The following NKAIN3 variants were observed in gnomAD, a reference collection of about 807,000 sequenced individuals.
NKAIN3 encodes the protein sodium/potassium transporting ATPase interacting 3, also known as sodium/potassium-transporting ATPase subunit beta-1-interacting protein 3.
Under a neutral mutation model 30.2 loss-of-function variants are expected in NKAIN3, and 25 were observed. The observed-to-expected ratio is 0.83, with a 90% CI of 0.60 to 1.16. NKAIN3 has a LOEUF of 1.16. Among genes scored for constraint, NKAIN3 ranks in the 50% most tolerant of loss-of-function variants. The pLI, the probability that NKAIN3 is intolerant of heterozygous loss-of-function variation, is 0.00. For synonymous variants in NKAIN3, 91 were observed against 89.6 expected (o/e 1.02, Z -0.09); for missense variants, 225 against 254.1 (o/e 0.89, Z 0.78).
Position 62,982,038 on chromosome 8 carries a change from T to A in NKAIN3, c.*16631T>A, listed in dbSNP as rs376040004. The stretch of plus-strand genomic sequence containing the variant: ...ATAATGGCAATAATTAAACACACTA[T>A]CTCTACCTAAAAGAACAGAGATAGA... On this transcript the variant is annotated 3_prime_UTR_variant, in exon 7 of 7. Coordinates refer to ENST00000623646, the MANE Select transcript of NKAIN3 (RefSeq NM_001304533.3). The A allele has an allele frequency of 1.3e-4, 20 of 152,242 alleles. No individual in the cohort carries two copies. The East Asian group carries it at 3.7e-3, about 28-fold the overall frequency. The allele number at this position is 152,242 out of a possible 1,614,324, so 9.4% of individuals were successfully genotyped here.
chr8:62,887,847 A>G (rs968627862), intron 4 of NKAIN3, among the ~76,000 whole-genome samples: 6 of 152,182 alleles, frequency 3.9e-5, no homozygotes, highest in Non-Finnish European at 8.8e-5. Flanking sequence ...TTTTTATTCC[A>G]GTAATTCCAA....
intron 4 of NKAIN3, among the ~76,000 whole-genome samples, chr8:62,839,359 C>T (rs1819463898): frequency 6.7e-6 from 1 of 148,946 alleles, no homozygotes; most frequent in Non-Finnish European, 1.5e-5. Flanking sequence ...ATAGAAATCA[C>T]CTTTGTCTCT....
intron 4 of NKAIN3, among the ~76,000 whole-genome samples, chr8:62,913,151 CA>C (rs1177194096): frequency 5.4e-5 from 3 of 55,932 alleles, no homozygotes; most frequent in Non-Finnish European, 8.4e-5. Flanking sequence ...TTGCATTGAA[CA>C]TTTTTTTTTT....
At chr8:62,854,673 T>C (rs1219265617) in intron 4 of NKAIN3, among the ~76,000 whole-genome samples, 9 of 152,318 alleles carry the variant, frequency 5.9e-5, no homozygotes, top group East Asian at 1.9e-4. Context: ...TGTCTTTTAA[T>C]TGGGGCATGT....
intron 1 of NKAIN3, among the ~76,000 whole-genome samples, chr8:62,442,208 CT>C (rs1351218707): frequency 6.6e-6 from 1 of 151,762 alleles, no homozygotes; most frequent in African/African-American, 2.4e-5. Context: ...TGCTAGAATT[CT>C]TTGTAAAACT....
At chr8:62,350,918 G>A (rs1016284551) in intron 1 of NKAIN3, among the ~76,000 whole-genome samples, 2 of 151,662 alleles carry the variant, frequency 1.3e-5, no homozygotes, top group Non-Finnish European at 2.9e-5. Context: ...TCGAACTCCT[G>A]ACCTCAAGTG....
At chr8:62,540,838 A>G (rs762145367) in intron 1 of NKAIN3, among the ~76,000 whole-genome samples, 3 of 152,100 alleles carry the variant, frequency 2.0e-5, no homozygotes, top group Non-Finnish European at 4.4e-5. Context: ...GTCTTGAAAA[A>G]AAAGGGTGAA....
chr8:62,995,476 C>A (rs1025334603), intron 5 of NKAIN3, among the ~76,000 whole-genome samples: 2 of 152,116 alleles, frequency 1.3e-5, no homozygotes. Context: ...AAGGGAGGAC[C>A]TTTGTTCACA....
At chr8:62,479,893 A>G (rs747346969) in intron 1 of NKAIN3, among the ~76,000 whole-genome samples, 2 of 152,224 alleles carry the variant, frequency 1.3e-5, no homozygotes, top group African/African-American at 2.4e-5. Context: ...TGTAGACAAT[A>G]AGGAAACAAG....
intron 5 of NKAIN3, among the ~76,000 whole-genome samples, 188 bp from the exon 6 acceptor site, chr8:62,953,714 T>C (rs1268767348): frequency 6.6e-6 from 1 of 152,188 alleles, no homozygotes; most frequent in African/African-American, 2.4e-5. Flanking sequence ...AGGTTATTTC[T>C]GTATTTTTTA....
intron 1 of NKAIN3, among the ~76,000 whole-genome samples, chr8:62,410,148 A>C (rs71513477): frequency 0.084 from 12,635 of 151,014 alleles, 748 homozygotes; most frequent in Middle Eastern, 0.13. Context: ...TTCCATGTTC[A>C]TGTCCATGTG....
intron 3 of NKAIN3, among the ~76,000 whole-genome samples, chr8:62,725,759 A>T (rs73266954): frequency 0.017 from 2,634 of 152,154 alleles, 56 homozygotes; most frequent in African/African-American, 0.054. Flanking sequence ...CTGCAGTATA[A>T]TTTTAAGTCT....
chr8:62,898,091 T>C (rs1179981327), intron 4 of NKAIN3, among the ~76,000 whole-genome samples: 1 of 151,958 alleles, frequency 6.6e-6, no homozygotes, highest in Non-Finnish European at 1.5e-5. Flanking sequence ...TCAATTACAC[T>C]CCAAAAATAA....
At chr8:62,646,935 T>G (rs954934955) in intron 3 of NKAIN3, among the ~76,000 whole-genome samples, 4 of 152,154 alleles carry the variant, frequency 2.6e-5, no homozygotes, top group African/African-American at 9.7e-5. Flanking sequence ...AGATGACTTG[T>G]GCCCCCAGCT....
intron 1 of NKAIN3, among the ~76,000 whole-genome samples, chr8:62,415,634 T>C (rs1017840283): frequency 6.6e-6 from 1 of 151,556 alleles, no homozygotes; most frequent in East Asian, 1.9e-4. Flanking sequence ...AAGCACTTGT[T>C]GATGTGTATG....
chr8:62,843,516 T>C (rs1029042549), intron 4 of NKAIN3, among the ~76,000 whole-genome samples: 1 of 151,700 alleles, frequency 6.6e-6, no homozygotes, highest in Non-Finnish European at 1.5e-5. Flanking sequence ...TTTATATTTT[T>C]AGTAAAGACG....
rs532241098 is a variant in NKAIN3, at chr8:62,301,620, G to T, written c.54+52493G>T. Among the ~76,000 whole-genome samples the T allele has an allele frequency of 3.3e-3, 507 of 152,124 alleles. 1 individual carries two copies. Among genetic ancestry groups the T allele is most frequent in the African/African-American group, 0.011 (477 of 41,528 alleles). ...AAAAAGCCTTCTGAACTTAAAATATGTAAGGAGGCAGCTTTAGACTAAACT... is the reference window on the plus strand; with the variant it reads ...AAAAAGCCTTCTGAACTTAAAATATTTAAGGAGGCAGCTTTAGACTAAACT... On this transcript the variant is annotated intron_variant, in intron 1 of 6. Coordinates refer to ENST00000623646, the MANE Select transcript of NKAIN3 (RefSeq NM_001304533.3).
At chr8:62,986,301 T>C (rs1284557495), downstream of NKAIN3, among the ~76,000 whole-genome samples, 1 of 152,170 alleles carries the variant, frequency 6.6e-6, no homozygotes, top group African/African-American at 2.4e-5. Flanking sequence ...GCCCTTTGTT[T>C]TGGGTTAAAC....
chr8:62,745,328 G>A (rs144190646), intron 3 of NKAIN3, among the ~76,000 whole-genome samples: 3 of 152,172 alleles, frequency 2.0e-5, no homozygotes, highest in African/African-American at 4.8e-5. Flanking sequence ...AGTCACGTAC[G>A]GACCCTGCTC....
Sources: allele counts gnomAD v4.1 joint callset (sites outside exome capture counted in the v4.1 genomes callset), GRCh38; gene constraint gnomAD v4.1.1; transcripts MANE v1.5; gene names NCBI Gene and HGNC (gene_info 2026-07-23, HGNC 2026-07-21).